The following USP46 variants were observed in gnomAD, a reference collection of about 807,000 sequenced individuals.
The protein encoded by USP46 is ubiquitin carboxyl-terminal hydrolase 46.
A neutral mutation model predicts 44.4 loss-of-function variants in USP46; 12 were observed. That is an observed-to-expected ratio of 0.27 (90% confidence interval 0.17 to 0.44). The LOEUF is 0.44. USP46 is among the 20% of genes least tolerant of loss of function. USP46 has a pLI of 1.00. For synonymous variants in USP46, 155 were observed against 161.5 expected (o/e 0.96, Z 0.31); for missense variants, 248 against 444.8 (o/e 0.56, Z 3.98).
chr4:52,638,561 CTTATA>C (rs1718208161), intron 1 of USP46, among the ~76,000 whole-genome samples: 1 of 150,688 alleles, frequency 6.6e-6, no homozygotes, highest in Non-Finnish European at 1.5e-5. Context: ...GTATGTCTCC[CTTATA>C]TATTCCAGTT....
At position 52,596,340 on chromosome 4, in the gene USP46, T is replaced by A. The variant is rs1057086868; in HGVS notation, c.*1300A>T. 2 of 152,604 alleles carry A rather than the reference T, an allele frequency of 1.3e-5. No individual in the cohort carries two copies. The highest frequency in any genetic ancestry group is 4.8e-5 in the African/African-American group (2 of 41,428). The allele number at this position is 152,604 out of a possible 1,614,324, so 9.5% of individuals were successfully genotyped here. ...CAAGATCTATGACTCAAAAACCAGC[T>A]CAACAGCAAAACACCAAATGACCCT... On this transcript the variant is annotated 3_prime_UTR_variant, in exon 9 of 9. Coordinates refer to ENST00000441222, the MANE Select transcript of USP46 (RefSeq NM_022832.4).
At chr4:52,635,077 C>A (rs1039690201) in intron 1 of USP46, among the ~76,000 whole-genome samples, 3 of 147,552 alleles carry the variant, frequency 2.0e-5, no homozygotes, top group Admixed American at 2.0e-4. Flanking sequence ...GCTTCTACTT[C>A]TTCTTTTTTT....
chr4:52,632,983 A>AGAAG (rs1560406136), intron 1 of USP46, among the ~76,000 whole-genome samples: 3 of 92,742 alleles, frequency 3.2e-5, no homozygotes, highest in Non-Finnish European at 6.1e-5. Context: ...AAAGAAAGAA[A>AGAAG]GAAAAGAAAA....
rs1560406138 is a variant in USP46, at chr4:52,632,983, A to AGAAAGAAAGAAAG, written c.37-1840_37-1839insCTTTCTTTCTTTC. 3.2e-5 allele frequency among the ~76,000 whole-genome samples: 3 copies of AGAAAGAAAGAAAG among 92,766 alleles called. No homozygotes were observed. The South Asian group carries it at 1.1e-3, about 35-fold the overall frequency. The allele number at this position is 92,766 out of a possible 152,430, so 60.9% of individuals were successfully genotyped here. A position where few individuals can be genotyped will look rare whatever the true frequency, so the allele number is the denominator to read the frequency against. On this transcript the variant is annotated intron_variant, in intron 1 of 8. Coordinates refer to ENST00000441222, the MANE Select transcript of USP46 (RefSeq NM_022832.4). ...AAGAAAGAAAGAAAGAAAGAAAGAA[A>AGAAAGAAAGAAAG]GAAAAGAAAAGAAAGAAAGAAAGAA...
intron 2 of USP46, 22 bp downstream of exon 2, chr4:52,631,042 A>G (rs1472463364): frequency 1.9e-6 from 3 of 1,547,182 alleles, no homozygotes; most frequent in African/African-American, 2.7e-5. Context: ...TTTGATGAAA[A>G]TAATACATTT....
chr4:52,599,640 G>A (rs1716383830), intron 7 of USP46, among the ~76,000 whole-genome samples: 2 of 152,192 alleles, frequency 1.3e-5, no homozygotes, highest in South Asian at 2.1e-4. Flanking sequence ...GGACAACTAA[G>A]CACCTGTTAC....
In USP46 at chr4:52,611,233, A is replaced by C. The variant is rs1387405090; in HGVS notation, c.562-616T>G. Among the ~76,000 whole-genome samples, 3 of 152,228 alleles carry C rather than the reference A, an allele frequency of 2.0e-5. No individual in the cohort carries two copies. The East Asian group carries it at 5.8e-4, about 29-fold the overall frequency. ...ATGACCAGACCTGGGGCTGGCCTGC[A>C]GCCTGGGCTCACACAGGCCCGCCAT... On this transcript the variant is annotated intron_variant, in intron 4 of 8. Transcript: ENST00000441222.
Position 52,627,954 on chromosome 4 carries a change from C to G in USP46, c.327G>C (p.Glu109Asp). The change falls in exon 3 of 9, where the codon GAG (glutamate) becomes GAC (aspartate). Residue 109 changes from glutamate to aspartate, a missense_variant. Physicochemically the swap from Glu to Asp is conservative, Grantham distance 45. Coordinates refer to ENST00000441222, the MANE Select transcript of USP46 (RefSeq NM_022832.4). ...PKKFISRLRKENDLFDNYMQQ... is the reference protein window; with the variant it reads ...PKKFISRLRKDNDLFDNYMQQ... Reference sequence around the variant, plus strand: ...ATTATACTGCATACTACTCACCATTCTCTTTTCTCAGCCTTGAAATGAACT... The same window carrying G: ...ATTATACTGCATACTACTCACCATTGTCTTTTCTCAGCCTTGAAATGAACT... 1 of 1,612,520 alleles carries G rather than the reference C, an allele frequency of 6.2e-7. No individual in the cohort carries two copies. Among genetic ancestry groups the G allele is most frequent in the Non-Finnish European group, 8.5e-7 (1 of 1,179,212 alleles).
intron 4 of USP46, among the ~76,000 whole-genome samples, chr4:52,613,198 G>C (rs1716999189): frequency 1.3e-5 from 2 of 152,074 alleles, no homozygotes; most frequent in Non-Finnish European, 2.9e-5. Context: ...GACTAAATCT[G>C]GGAAACCATG....
intron 1 of USP46, among the ~76,000 whole-genome samples, chr4:52,635,160 C>T (rs1006350384): frequency 6.6e-6 from 1 of 151,566 alleles, no homozygotes; most frequent in Non-Finnish European, 1.5e-5. Flanking sequence ...ATCACAGCCA[C>T]ATCTACATCT....
intron 4 of USP46, among the ~76,000 whole-genome samples, chr4:52,617,282 C>T (rs1717190701): frequency 6.6e-6 from 1 of 152,146 alleles, no homozygotes; most frequent in African/African-American, 2.4e-5. Flanking sequence ...AATGGCCCTT[C>T]TCTGAAATAA....
At chr4:52,614,327 A>G (rs1216222726) in intron 4 of USP46, among the ~76,000 whole-genome samples, 1 of 152,188 alleles carries the variant, frequency 6.6e-6, no homozygotes, top group Non-Finnish European at 1.5e-5. Flanking sequence ...AAGATACTCA[A>G]CCAACACCAA....
chr4:52,645,278 C>T (rs930355321), intron 1 of USP46, among the ~76,000 whole-genome samples: 9 of 147,276 alleles, frequency 6.1e-5, no homozygotes, highest in African/African-American at 2.0e-4. Context: ...AATAATTGTA[C>T]ACAGAAGCCA....
chr4:52,649,343 T>C (rs955220909), intron 1 of USP46, among the ~76,000 whole-genome samples: 2 of 152,230 alleles, frequency 1.3e-5, no homozygotes, highest in Non-Finnish European at 2.9e-5. Context: ...TCTCTTCTGA[T>C]GCTCCCCAAA....
At chr4:52,632,983 A>AGAAAGAAAGAAAGAAAGAAAGAAAGAAAG (rs1560406138) in intron 1 of USP46, among the ~76,000 whole-genome samples, 1 of 92,742 alleles carries the variant, frequency 1.1e-5, no homozygotes, top group Non-Finnish European at 2.0e-5. Context: ...AAAGAAAGAA[A>AGAAAGAAAGAAAGAAAGAAAGAAAGAAAG]GAAAAGAAAA....
At chr4:52,640,986 T>C (rs1718318902) in intron 1 of USP46, among the ~76,000 whole-genome samples, 1 of 151,978 alleles carries the variant, frequency 6.6e-6, no homozygotes, top group East Asian at 1.9e-4. Context: ...CTCTGTGGCC[T>C]TAACTTCCTG....
intron 1 of USP46, among the ~76,000 whole-genome samples, chr4:52,649,002 C>T (rs2109664568): frequency 6.6e-6 from 1 of 152,306 alleles, no homozygotes; most frequent in Middle Eastern, 3.4e-3. Context: ...GTCCTGTGGG[C>T]CTCTCTCTAC....
intron 4 of USP46, among the ~76,000 whole-genome samples, chr4:52,619,468 G>A (rs1459495433): frequency 2.0e-5 from 3 of 152,214 alleles, no homozygotes; most frequent in Non-Finnish European, 4.4e-5. Context: ...CCTACAGTGA[G>A]ACTTCATAAA....
intron 2 of USP46, among the ~76,000 whole-genome samples, chr4:52,628,626 G>A (rs899106472): frequency 3.3e-5 from 5 of 152,184 alleles, no homozygotes; most frequent in African/African-American, 7.2e-5. Context: ...CCACTTGCTC[G>A]GCTGAAACAG....
Sources: allele counts gnomAD v4.1 joint callset (sites outside exome capture counted in the v4.1 genomes callset), GRCh38; gene constraint gnomAD v4.1.1; transcripts MANE v1.5; gene names NCBI Gene and HGNC (gene_info 2026-07-23, HGNC 2026-07-21).